ARID1B: variants seen among roughly 807,000 people sequenced by gnomAD.
ARID1B encodes AT-rich interaction domain 1B.
ARID1B carries 30 observed loss-of-function variants against 212.3 expected under a neutral mutation model. That is an observed-to-expected ratio of 0.14 (90% CI 0.11 to 0.19). The LOEUF is 0.19. ARID1B is among the 10% of genes least tolerant of loss of function. The pLI is 1.00. For missense variants in ARID1B, 2,891 were observed against 3,204.0 expected (o/e 0.90, Z 2.36); for synonymous variants, 1,402 against 1,301.7 (o/e 1.08, Z -1.66).
chr6:156,903,452 G>A (rs1218830127), intron 3 of ARID1B, among the ~76,000 whole-genome samples: 1 of 152,146 alleles, frequency 6.6e-6, no homozygotes, highest in African/African-American at 2.4e-5. Context: ...GCTATAAAAT[G>A]TCTGAGTTAT....
At chr6:156,916,096 T>C (rs1419803129) in intron 3 of ARID1B, among the ~76,000 whole-genome samples, 2 of 152,160 alleles carry the variant, frequency 1.3e-5, no homozygotes, top group Non-Finnish European at 2.9e-5. Context: ...CTCACAGAAT[T>C]TGGAATTAGG....
At chr6:157,144,689 GCCCAGCAGCTGGC>G (rs1461340916) in intron 7 of ARID1B, among the ~76,000 whole-genome samples, 1 of 152,086 alleles carries the variant, frequency 6.6e-6, no homozygotes, top group South Asian at 2.1e-4. Context: ...AAGAGGAAGG[GCCCAGCAGCTGGC>G]CCCTGCTCTG....
chr6:156,965,326 C>T (rs1236870077), intron 4 of ARID1B, among the ~76,000 whole-genome samples: 2 of 152,124 alleles, frequency 1.3e-5, no homozygotes, highest in African/African-American at 4.8e-5. Context: ...CAGGGTTTTC[C>T]ACCCTTCATG....
rs2128462293 is a variant in ARID1B at position 157,084,707 on chromosome 6, A to G, written c.2293A>G (p.Thr765Ala). The change falls in exon 5 of 20, where the codon ACT becomes GCT. Residue 765 changes from threonine (T) to alanine (A), a missense_variant. By Grantham distance (58) the Thr-to-Ala change is moderately conservative. Around this residue, in one of 7 missense-constraint regions of ARID1B, gnomAD observed 1,643 missense variants for 1,544.0 expected, o/e 1.06. Coordinates refer to ENST00000636930, the MANE Select transcript of ARID1B (RefSeq NM_001374828.1). ...TGACCTCCCCACGGGAACGGAAGCA[A>G]CTTTGAGCTCAGCAGTCAGTGCATC... ...IDDLPTGTEA[T>A]LSSAVSASGS... 6.2e-7 allele frequency: 1 copy of G among 1,614,086 alleles called. No individual in the cohort carries two copies. Among genetic ancestry groups the G allele is most frequent in the Non-Finnish European group, 8.5e-7 (1 of 1,180,004 alleles).
At chr6:157,160,305 T>C (rs999330752) in intron 8 of ARID1B, among the ~76,000 whole-genome samples, 1 of 152,206 alleles carries the variant, frequency 6.6e-6, no homozygotes, top group Non-Finnish European at 1.5e-5. Flanking sequence ...AAGCCCACGC[T>C]TTCCCCTGAT....
chr6:157,132,594 A>G (rs1047892765), intron 6 of ARID1B, among the ~76,000 whole-genome samples: 6 of 152,142 alleles, frequency 3.9e-5, no homozygotes, highest in Admixed American at 3.9e-4. Flanking sequence ...GGGATCTTTG[A>G]CCAGAGAGCT....
At chr6:156,855,706 T>C (rs1294786751) in intron 2 of ARID1B, among the ~76,000 whole-genome samples, 1 of 152,202 alleles carries the variant, frequency 6.6e-6, no homozygotes, top group Admixed American at 6.5e-5. Context: ...AAATTGTGTG[T>C]GTGTTTCTCT....
chr6:157,136,379 A>G (rs35017860), intron 7 of ARID1B, among the ~76,000 whole-genome samples: 644 of 152,290 alleles, frequency 4.2e-3, no homozygotes, highest in Middle Eastern at 0.014. Context: ...TGGCTGGGCC[A>G]GGGTTCCCAC....
intron 13 of ARID1B, chr6:157,184,784 T>C (rs1255063946): frequency 3.1e-6 from 1 of 321,950 alleles, no homozygotes; most frequent in Non-Finnish European, 5.9e-6. Flanking sequence ...GATCCCCCAG[T>C]GGCCAGTTTG....
intron 2 of ARID1B, among the ~76,000 whole-genome samples, chr6:156,835,837 G>A (rs1446605140): frequency 6.6e-6 from 1 of 152,196 alleles, no homozygotes. Context: ...GACCTCCTGG[G>A]CTCAAACAAT....
chr6:157,145,494 C>T (rs143650257), intron 7 of ARID1B, among the ~76,000 whole-genome samples: 104 of 152,280 alleles, frequency 6.8e-4, no homozygotes, highest in African/African-American at 2.4e-3. Flanking sequence ...GAATAACACA[C>T]GCCTCCCGGA....
At chr6:156,969,227 G>A (rs1776750093) in intron 4 of ARID1B, among the ~76,000 whole-genome samples, 1 of 152,186 alleles carries the variant, frequency 6.6e-6, no homozygotes, top group South Asian at 2.1e-4. Context: ...TTATGTCTCA[G>A]GAGATTTGTG....
At chr6:157,184,019 C>T (rs934158041) in intron 12 of ARID1B, among the ~76,000 whole-genome samples, 5 of 152,154 alleles carry the variant, frequency 3.3e-5, no homozygotes, top group African/African-American at 7.2e-5. Context: ...GAAGGACCTC[C>T]GAGCAGTGCT....
chr6:157,056,015 C>G (rs1479635752), intron 4 of ARID1B, among the ~76,000 whole-genome samples: 1 of 152,132 alleles, frequency 6.6e-6, no homozygotes, highest in African/African-American at 2.4e-5. Context: ...TCAGACCCAC[C>G]CAGGAATATC....
At chr6:156,811,304 G>A (rs954593080) in intron 1 of ARID1B, among the ~76,000 whole-genome samples, 12 of 152,140 alleles carry the variant, frequency 7.9e-5, no homozygotes, top group African/African-American at 2.9e-4. Flanking sequence ...GGTCTTACCC[G>A]TACTCAAGAG....
chr6:157,010,991 C>A (rs1165874658), intron 4 of ARID1B, among the ~76,000 whole-genome samples: 1 of 152,168 alleles, frequency 6.6e-6, no homozygotes, highest in East Asian at 1.9e-4. Context: ...GCCAGGACAC[C>A]TCTCATAGTT....
chr6:157,005,004 C>T (rs1200887549), intron 4 of ARID1B, among the ~76,000 whole-genome samples: 1 of 143,346 alleles, frequency 7.0e-6, no homozygotes, highest in East Asian at 2.0e-4. Context: ...CCTCCACCTC[C>T]CGGATTCAAG....
At chr6:156,954,489 T>C (rs973880327) in intron 4 of ARID1B, among the ~76,000 whole-genome samples, 1 of 152,210 alleles carries the variant, frequency 6.6e-6, no homozygotes, top group African/African-American at 2.4e-5. Flanking sequence ...TAAAGATGAA[T>C]CTTAATAGTT....
chr6:157,066,888 T>C (rs1783708016), intron 4 of ARID1B, among the ~76,000 whole-genome samples: 1 of 152,128 alleles, frequency 6.6e-6, no homozygotes, highest in African/African-American at 2.4e-5. Context: ...TTTTTTCCTT[T>C]GGTGTGGGAG....
Sources: allele counts gnomAD v4.1 joint callset (sites outside exome capture counted in the v4.1 genomes callset), GRCh38; gene constraint gnomAD v4.1.1; regional missense constraint gnomAD v4.1.1; transcripts MANE v1.5; gene names NCBI Gene and HGNC (gene_info 2026-07-23, HGNC 2026-07-21).